TNIK: variants seen among roughly 807,000 people sequenced by gnomAD.
The protein encoded by TNIK is TRAF2 and NCK interacting kinase, also known as TRAF2 and NCK-interacting protein kinase.
In TNIK, 49 loss-of-function variants were observed where a neutral mutation model predicts 191.3. That is an observed-to-expected ratio of 0.26 (90% CI 0.20 to 0.32). The LOEUF is 0.32. TNIK is among the 10% of genes least tolerant of loss of function. The pLI is 1.00. For missense variants in TNIK, 1,155 were observed against 1,702.3 expected, an observed-to-expected ratio of 0.68 and a Z score of 5.66; for synonymous variants, 594 against 600.9, an observed-to-expected ratio of 0.99 and a Z score of 0.17.
At chr3:171,452,070 G>A (rs1350378976) in intron 1 of TNIK, among the ~76,000 whole-genome samples, 1 of 152,114 alleles carries the variant, frequency 6.6e-6, no homozygotes, top group African/African-American at 2.4e-5. Flanking sequence ...TTAAAATCTA[G>A]GGTTACTTCA....
At chr3:171,376,955 C>T (rs1366999286) in intron 1 of TNIK, among the ~76,000 whole-genome samples, 2 of 152,202 alleles carry the variant, frequency 1.3e-5, no homozygotes, top group Non-Finnish European at 2.9e-5. Flanking sequence ...TCTTTCACCC[C>T]TCATATTCCA....
chr3:171,261,522 G>C (rs887615922), intron 2 of TNIK, among the ~76,000 whole-genome samples: 2 of 151,112 alleles, frequency 1.3e-5, no homozygotes, highest in Non-Finnish European at 2.9e-5. Context: ...AATGTTTGTT[G>C]GTTGGATGGA....
At chr3:171,354,583 A>G (rs1157912170) in intron 2 of TNIK, among the ~76,000 whole-genome samples, 1 of 152,142 alleles carries the variant, frequency 6.6e-6, no homozygotes, top group Admixed American at 6.6e-5. Context: ...GGGCCTCATA[A>G]TCCCAATTAA....
At chr3:171,121,327 C>T (rs1444543710) in intron 18 of TNIK, among the ~76,000 whole-genome samples, 1 of 152,224 alleles carries the variant, frequency 6.6e-6, no homozygotes. Flanking sequence ...GTAATGGCCC[C>T]TGGCAAATCA....
At chr3:171,281,844 T>C (rs923201500) in intron 2 of TNIK, among the ~76,000 whole-genome samples, 1 of 152,214 alleles carries the variant, frequency 6.6e-6, no homozygotes, top group Non-Finnish European at 1.5e-5. Context: ...TGGAAGTGGA[T>C]TTTTTACTTG....
intron 15 of TNIK, among the ~76,000 whole-genome samples, chr3:171,137,852 A>G (rs1226994928): frequency 6.6e-6 from 1 of 152,162 alleles, no homozygotes; most frequent in Non-Finnish European, 1.5e-5. Context: ...ATTATTCAAC[A>G]AAAAGGTCAC....
chr3:171,409,201 A>G (rs1399690402), intron 1 of TNIK, among the ~76,000 whole-genome samples: 1 of 152,234 alleles, frequency 6.6e-6, no homozygotes, highest in African/African-American at 2.4e-5. Flanking sequence ...ATATTTGCAT[A>G]TCCTTGCAAA....
chr3:171,287,422 A>G (rs1751141566), intron 2 of TNIK, among the ~76,000 whole-genome samples: 1 of 152,222 alleles, frequency 6.6e-6, no homozygotes, highest in Non-Finnish European at 1.5e-5. Flanking sequence ...AACATTTAAG[A>G]AGGTCACCCC....
intron 2 of TNIK, among the ~76,000 whole-genome samples, chr3:171,281,797 C>T (rs1219079387): frequency 6.6e-6 from 1 of 152,102 alleles, no homozygotes; most frequent in Non-Finnish European, 1.5e-5. Context: ...ACTGTGATGA[C>T]AAGACAATAA....
intron 1 of TNIK, among the ~76,000 whole-genome samples, chr3:171,426,370 A>C (rs1724596590): frequency 7.4e-6 from 1 of 135,176 alleles, no homozygotes. Flanking sequence ...ACACTCGGAC[A>C]CAGGAAGGGG....
chr3:171,382,874 T>C (rs882173), intron 1 of TNIK, among the ~76,000 whole-genome samples: 43,125 of 152,080 alleles, frequency 0.28, 6,335 homozygotes, highest in Non-Finnish European at 0.3. Flanking sequence ...ACTGAAAGAA[T>C]AGAAAAGACC....
At chr3:171,387,782 G>A (rs1718929032) in intron 1 of TNIK, among the ~76,000 whole-genome samples, 1 of 152,126 alleles carries the variant, frequency 6.6e-6, no homozygotes, top group Non-Finnish European at 1.5e-5. Context: ...CTAGGAGTGA[G>A]GCATATGAAG....
intron 22 of TNIK, 52 bp downstream of exon 22, chr3:171,101,396 AT>A: frequency 6.5e-7 from 1 of 1,528,096 alleles, no homozygotes; most frequent in Non-Finnish European, 8.8e-7. Flanking sequence ...TTGTCCTTTT[AT>A]TTTGGAAACC....
Position 171,157,601 on chromosome 3 carries a change from G to C in TNIK, c.1080C>G (p.Ala360=), listed in dbSNP as rs1733379699. The change falls in exon 12 of 33, where the codon GCC becomes GCG. Residue 360 remains alanine (A), a synonymous_variant. Transcript: ENST00000436636. ...LRRDFLRLQL[A]NKERSEALRR... ...GTAGGGCCTCAGAACGCTCCTTGTTGGCCAGCTGCAGCCTCAGAAAGTCCC... is the reference window on the plus strand; with the variant it reads ...GTAGGGCCTCAGAACGCTCCTTGTTCGCCAGCTGCAGCCTCAGAAAGTCCC... The C allele has an allele frequency of 6.4e-7, 1 of 1,556,698 alleles. No homozygotes were observed. Among genetic ancestry groups the C allele is most frequent in the South Asian group, 1.2e-5 (1 of 84,232 alleles).
chr3:171,125,878 T>A, intron 17 of TNIK, 34 bp downstream of exon 17: 1 of 1,609,480 alleles, frequency 6.2e-7, no homozygotes. Flanking sequence ...TCAGTGATGC[T>A]GGTGATTAAA....
At chr3:171,206,280 C>T (rs184687204) in intron 4 of TNIK, among the ~76,000 whole-genome samples, 1 of 148,030 alleles carries the variant, frequency 6.8e-6, no homozygotes, top group East Asian at 2.1e-4. Context: ...TATACATATA[C>T]ATATGTATGT....
chr3:171,206,691 T>A (rs1274748747), intron 4 of TNIK, among the ~76,000 whole-genome samples: 1 of 152,028 alleles, frequency 6.6e-6, no homozygotes, highest in East Asian at 1.9e-4. Context: ...CACTAATGAG[T>A]TTTGAGGCCC....
At chr3:171,380,021 ACACACGCG>A (rs1717805751) in intron 1 of TNIK, among the ~76,000 whole-genome samples, 1 of 61,130 alleles carries the variant, frequency 1.6e-5, no homozygotes, top group South Asian at 5.1e-4. Context: ...ACACACACAC[ACACACGCG>A]CACACACACA....
chr3:171,156,126 GAA>G, intron 12 of TNIK, among the ~76,000 whole-genome samples: 1 of 152,160 alleles, frequency 6.6e-6, no homozygotes, highest in Non-Finnish European at 1.5e-5. Context: ...ATCAATACAG[GAA>G]AAGAGATAAT....
Sources: allele counts gnomAD v4.1 joint callset (sites outside exome capture counted in the v4.1 genomes callset), GRCh38; gene constraint gnomAD v4.1.1; transcripts MANE v1.5; gene names NCBI Gene and HGNC (gene_info 2026-07-23, HGNC 2026-07-21).